ZNF474: variants seen among roughly 807,000 people sequenced by gnomAD.
ZNF474 encodes 4933409D10Rik.
For synonymous variants in ZNF474, 192 were observed against 162.2 expected (o/e 1.18, Z -1.39); for missense variants, 511 against 433.8 (o/e 1.18, Z -1.58).
In ZNF474 at chr5:122,152,949, T is replaced by C. The variant is rs139032691; in HGVS notation, c.959T>C (p.Leu320Ser). The change falls in exon 2 of 2, where the codon TTA (leucine) becomes TCA (serine). Residue 320 changes from leucine (L) to serine (S), a missense_variant. Transcript: ENST00000296600. Reference protein sequence around the residue: ...PYGPKYQNLNLGSKGGLKEYT... With the variant: ...PYGPKYQNLNSGSKGGLKEYT... ...GGGCCAAAATATCAGAATTTGAATT[T>C]AGGGAGTAAAGGAGGCCTAAAAGAG... 1.3e-4 allele frequency: 213 copies of C among 1,614,002 alleles called. 2 individuals carry two copies. The African/African-American group carries it at 2.6e-3, about 20-fold the overall frequency.
intron 1 of ZNF474, among the ~76,000 whole-genome samples, chr5:122,131,192 T>C (rs1755566167): frequency 6.6e-6 from 1 of 152,182 alleles, no homozygotes; most frequent in Non-Finnish European, 1.5e-5. Context: ...GGAACCCTTA[T>C]ACACTGTTTG....
chr5:122,151,829 C>A lies in ZNF474; in HGVS notation c.-162C>A. ...GAGGACTTTCCAACATTCCAGACTGCCGTCCTGCAATGAAGCTCTGAGTCA... is the reference window on the plus strand; with the variant it reads ...GAGGACTTTCCAACATTCCAGACTGACGTCCTGCAATGAAGCTCTGAGTCA... On this transcript the variant is annotated 5_prime_UTR_variant, in exon 2 of 2. Transcript: ENST00000296600. 1 of 787,826 alleles carries A rather than the reference C, an allele frequency of 1.3e-6. No homozygotes were observed. Among genetic ancestry groups the A allele is most frequent in the Non-Finnish European group, 2.0e-6 (1 of 508,476 alleles). 48.8% of individuals were successfully genotyped at this position (787,826 alleles called of 1,614,324 possible). A position where few individuals can be genotyped will look rare whatever the true frequency, so the allele number is the denominator to read the frequency against.
At chr5:122,145,601 C>T (rs1246192261) in intron 1 of ZNF474, among the ~76,000 whole-genome samples, 1 of 152,100 alleles carries the variant, frequency 6.6e-6, no homozygotes, top group Non-Finnish European at 1.5e-5. Context: ...ATGCTTAGAA[C>T]AGTAGGCTTC....
chr5:122,151,707 G>GTC (rs72138781), intron 1 of ZNF474, 72 bp from the exon 2 acceptor site: 4,641 of 185,306 alleles, frequency 0.025, 179 homozygotes, highest in African/African-American at 0.1. Context: ...CAACCTAAAT[G>GTC]TGTGTGTGTG....
chr5:122,132,388 A>G lies in ZNF474; in HGVS notation c.-213+2705A>G, dbSNP rs545434800. Among the ~76,000 whole-genome samples, 20 of 152,216 alleles carry G rather than the reference A, an allele frequency of 1.3e-4. No individual in the cohort carries two copies. The South Asian group carries it at 3.3e-3, about 25-fold the overall frequency. On this transcript the variant is annotated intron_variant, in intron 1 of 1. Coordinates refer to ENST00000296600, the MANE Select transcript of ZNF474 (RefSeq NM_207317.3). Reference sequence around the variant, plus strand: ...GGTATTTTAGAATTTAACTTTATAAAGTTAAATTTTTAGATAATCCAATTT... The same window carrying G: ...GGTATTTTAGAATTTAACTTTATAAGGTTAAATTTTTAGATAATCCAATTT...
Position 122,152,929 on chromosome 5 carries a change from A to G in ZNF474, c.939A>G (p.Pro313=). 6.2e-7 allele frequency: 1 copy of G among 1,607,892 alleles called. No homozygotes were observed. The highest frequency in any genetic ancestry group is 8.5e-7 in the Non-Finnish European group (1 of 1,179,904). Residue 313 remains proline (P), a synonymous_variant, in exon 2 of 2, where the codon CCA becomes CCG. Coordinates refer to ENST00000296600, the MANE Select transcript of ZNF474 (RefSeq NM_207317.3). ...QRSCKTHPYG[P]KYQNLNLGSK... ...GTTGTAAAACTCATCCTTATGGGCC[A>G]AAATATCAGAATTTGAATTTAGGGA... is the stretch of plus-strand genomic sequence containing the variant.
intron 1 of ZNF474, among the ~76,000 whole-genome samples, chr5:122,149,167 G>A (rs1023781883): frequency 6.6e-6 from 1 of 152,160 alleles, no homozygotes; most frequent in Non-Finnish European, 1.5e-5. Context: ...AGGAAGGGCT[G>A]AAAAACTACC....
chr5:122,148,738 C>CT (rs963746933), intron 1 of ZNF474, among the ~76,000 whole-genome samples: 27 of 149,184 alleles, frequency 1.8e-4, no homozygotes, highest in South Asian at 8.5e-4. Context: ...TCTTTTTTTT[C>CT]TTTTTTTTTT....
chr5:122,138,271 T>G (rs1755756229), intron 1 of ZNF474, among the ~76,000 whole-genome samples: 1 of 152,160 alleles, frequency 6.6e-6, no homozygotes, highest in South Asian at 2.1e-4. Context: ...CTAAATATTG[T>G]TTAGAGTGTC....
rs1472542286 is a variant in ZNF474, at chr5:122,152,582, C to T, written c.592C>T (p.His198Tyr). 1.9e-6 allele frequency: 3 copies of T among 1,614,218 alleles called. No homozygotes were observed. Among genetic ancestry groups the T allele is most frequent in the Middle Eastern group, 1.6e-4 (1 of 6,062 alleles). The change falls in exon 2 of 2, where the codon CAC becomes TAC. Residue 198 changes from histidine to tyrosine, a missense_variant. His to Tyr is a moderately conservative substitution (Grantham distance 83). Coordinates refer to ENST00000296600, the MANE Select transcript of ZNF474 (RefSeq NM_207317.3). ...AAAGGGTGAGGGTCCCAGAGCACCA[C>T]ACTCAAACAGTTCTGATCATCTTAC... ...KPKGEGPRAP[H>Y]SNSSDHLTGL...
chr5:122,148,413 G>A (rs761681255), intron 1 of ZNF474, among the ~76,000 whole-genome samples: 3 of 152,198 alleles, frequency 2.0e-5, no homozygotes, highest in Non-Finnish European at 4.4e-5. Flanking sequence ...CATCGTGTTT[G>A]CTGCAGAGAA....
chr5:122,153,126 C>T lies in ZNF474; in HGVS notation c.*41C>T, dbSNP rs747375395. 1.9e-6 allele frequency: 3 copies of T among 1,554,704 alleles called. No individual in the cohort carries two copies. In the South Asian group the frequency reaches 3.7e-5, roughly 19 times the overall value. ...CTATCCCCAGAATCAGCCACCTCAG[C>T]CCCTAGTATTTTTTCTATCAATGCC... On this transcript the variant is annotated 3_prime_UTR_variant, in exon 2 of 2. Transcript: ENST00000296600.
At position 122,143,806 on chromosome 5, in the gene ZNF474, A is replaced by AT. The variant is rs141901657; in HGVS notation, c.-212-7973_-212-7972insT. 2.6e-3 allele frequency among the ~76,000 whole-genome samples: 403 copies of AT among 152,292 alleles called. 2 individuals carry two copies. Among genetic ancestry groups the AT allele is most frequent in the Non-Finnish European group, 3.7e-3 (254 of 68,016 alleles). On this transcript the variant is annotated intron_variant, in intron 1 of 1. Coordinates refer to ENST00000296600, the MANE Select transcript of ZNF474 (RefSeq NM_207317.3). ...ATTATTTCTTTAAACTAATAATCTA[A>AT]CAATCCTCATCTGGGGAGTCATTTA...
rs767444157 is a variant in ZNF474 at position 122,153,084 on chromosome 5, A to G, written c.1094A>G (p.Ter365TrpextTer37). The change falls in exon 2 of 2, where the codon TAG (stop) becomes TGG (tryptophan). Residue 365 changes from the stop codon to tryptophan, a stop_lost. Transcript: ENST00000296600. ...GAACCTGGTGGTGCCCTCTGCCTGT[A>G]GGGGAACAAGAGAAAACTATCCCCA... ...LGEPGGALCL[*>W] The G allele has an allele frequency of 4.4e-6, 7 of 1,602,620 alleles. No individual in the cohort carries two copies. Among genetic ancestry groups the G allele is most frequent in the Non-Finnish European group, 6.0e-6 (7 of 1,173,378 alleles).
At chr5:122,131,239 G>T (rs1489493199) in intron 1 of ZNF474, among the ~76,000 whole-genome samples, 1 of 152,128 alleles carries the variant, frequency 6.6e-6, no homozygotes, top group Non-Finnish European at 1.5e-5. Flanking sequence ...ATGGATTATG[G>T]AAAACAATAT....
intron 1 of ZNF474, among the ~76,000 whole-genome samples, chr5:122,136,859 C>A (rs980988010): frequency 6.6e-6 from 1 of 152,144 alleles, no homozygotes; most frequent in African/African-American, 2.4e-5. Flanking sequence ...TAACATCAAG[C>A]TAATCTCACT....
At chr5:122,138,315 A>G (rs1413624800) in intron 1 of ZNF474, among the ~76,000 whole-genome samples, 2 of 152,186 alleles carry the variant, frequency 1.3e-5, no homozygotes, top group Admixed American at 1.3e-4. Flanking sequence ...CTCACTGTCT[A>G]ATTCCTTACC....
intron 1 of ZNF474, among the ~76,000 whole-genome samples, chr5:122,140,438 C>G (rs955322901): frequency 6.6e-6 from 1 of 152,182 alleles, no homozygotes; most frequent in African/African-American, 2.4e-5. Flanking sequence ...TGTATTATTT[C>G]TTTCAACCGC....
chr5:122,140,783 T>C (rs1755817351), intron 1 of ZNF474, among the ~76,000 whole-genome samples: 1 of 152,188 alleles, frequency 6.6e-6, no homozygotes, highest in Non-Finnish European at 1.5e-5. Context: ...AAATATTCAG[T>C]CTCACTCCTG....
Sources: gnomAD v4.1 joint callset for allele counts (sites outside exome capture counted in the v4.1 genomes callset) on GRCh38, gnomAD v4.1.1 for gene constraint, MANE v1.5 for transcripts, NCBI Gene and HGNC (gene_info 2026-07-23, HGNC 2026-07-21) for gene names.